Variants in MEI4 observed in about 807,000 individuals in gnomAD.
MEI4 encodes meiosis-specific protein MEI4.
Under a neutral mutation model 31.4 loss-of-function variants are expected in MEI4, and 27 were observed. The observed-to-expected ratio is 0.86, with a 90% CI of 0.63 to 1.19. MEI4 has a LOEUF of 1.19. Among genes scored for constraint, MEI4 ranks in the 50% most tolerant of loss-of-function variants. The pLI is 0.00. For synonymous variants in MEI4, 122 were observed against 145.4 expected (o/e 0.84, Z 1.16); for missense variants, 329 against 398.9 (o/e 0.82, Z 1.49).
At chr6:77,671,725 T>C (rs555733518) in intron 1 of MEI4, among the ~76,000 whole-genome samples, 1 of 152,216 alleles carries the variant, frequency 6.6e-6, no homozygotes, top group African/African-American at 2.4e-5. Context: ...TAGTTGACTG[T>C]TCCCATGTTA....
At chr6:77,746,152 A>T (rs891270038) in intron 2 of MEI4, among the ~76,000 whole-genome samples, 1 of 152,202 alleles carries the variant, frequency 6.6e-6, no homozygotes, top group African/African-American at 2.4e-5. Context: ...GAGACACAAA[A>T]AACCCTTCAA....
chr6:77,735,090 G>A (rs1767146366), intron 2 of MEI4, among the ~76,000 whole-genome samples: 1 of 151,796 alleles, frequency 6.6e-6, no homozygotes, highest in Non-Finnish European at 1.5e-5. Flanking sequence ...TTTCTACTTC[G>A]GTGAACTGAC....
rs139196204 is a variant in MEI4 at position 77,864,858 on chromosome 6, G to T, written c.900+35796G>T. On this transcript the variant is annotated intron_variant, in intron 4 of 4. Coordinates refer to ENST00000684080, the MANE Select transcript of MEI4 (RefSeq NM_001322247.2). ...AAAGCACTCCTCAGCAAATGTAAAAGAATAGAAATTATAACAAACTGTCTC... is the reference window on the plus strand; with the variant it reads ...AAAGCACTCCTCAGCAAATGTAAAATAATAGAAATTATAACAAACTGTCTC... Among the ~76,000 whole-genome samples the T allele has an allele frequency of 4.0e-3, 609 of 152,220 alleles. 2 individuals carry two copies. The highest frequency in any genetic ancestry group is 6.0e-3 in the Admixed American group (91 of 15,278).
At chr6:77,844,903 A>G (rs1770444959) in intron 4 of MEI4, among the ~76,000 whole-genome samples, 1 of 152,174 alleles carries the variant, frequency 6.6e-6, no homozygotes, top group African/African-American at 2.4e-5. Context: ...GACAATCTCT[A>G]TAAATTTTAA....
intron 4 of MEI4, among the ~76,000 whole-genome samples, chr6:77,870,246 A>G (rs1417341830): frequency 1.3e-5 from 2 of 152,216 alleles, no homozygotes; most frequent in Non-Finnish European, 2.9e-5. Flanking sequence ...GAGCATGGAC[A>G]GTGAACCACA....
intron 3 of MEI4, among the ~76,000 whole-genome samples, chr6:77,783,339 C>G (rs978628382): frequency 2.0e-5 from 3 of 152,148 alleles, no homozygotes; most frequent in Non-Finnish European, 4.4e-5. Context: ...AATATACCTT[C>G]CTTCATGATA....
chr6:77,892,249 G>A (rs530247292), intron 4 of MEI4, among the ~76,000 whole-genome samples: 1 of 151,214 alleles, frequency 6.6e-6, no homozygotes, highest in Admixed American at 6.6e-5. Flanking sequence ...AGCAGCAGTG[G>A]TGGTAAAGGC....
chr6:77,807,038 GA>G (rs1392006232), intron 3 of MEI4, among the ~76,000 whole-genome samples: 2 of 151,972 alleles, frequency 1.3e-5, no homozygotes, highest in Non-Finnish European at 2.9e-5. Context: ...GTTTTCCCTG[GA>G]AAATGGTCTG....
At chr6:77,664,386 A>C (rs1481550001) in intron 1 of MEI4, among the ~76,000 whole-genome samples, 2 of 152,162 alleles carry the variant, frequency 1.3e-5, no homozygotes, top group African/African-American at 2.4e-5. Flanking sequence ...AAGAGCCTAA[A>C]CGCTATCTGA....
chr6:77,803,050 A>G (rs1279901200), intron 3 of MEI4, among the ~76,000 whole-genome samples: 1 of 152,176 alleles, frequency 6.6e-6, no homozygotes. Context: ...TCTCCTGGAT[A>G]ATATCCTGCA....
At chr6:77,776,156 GTTTTTTTTTTGT>G (rs1259535965) in intron 3 of MEI4, among the ~76,000 whole-genome samples, 28 of 143,368 alleles carry the variant, frequency 2.0e-4, no homozygotes, top group African/African-American at 5.5e-4. Flanking sequence ...TCTGCTAATT[GTTTTTTTTTTGT>G]TTTTGTTTTT....
At chr6:77,685,312 C>CTTTT (rs56264627) in intron 1 of MEI4, among the ~76,000 whole-genome samples, 64 of 128,226 alleles carry the variant, frequency 5.0e-4, no homozygotes, top group African/African-American at 5.1e-4. Flanking sequence ...TGTCCCTTCA[C>CTTTT]TTTTTTTTTT....
At chr6:77,882,546 C>G (rs1283661864) in intron 4 of MEI4, among the ~76,000 whole-genome samples, 1 of 152,082 alleles carries the variant, frequency 6.6e-6, no homozygotes, top group Non-Finnish European at 1.5e-5. Context: ...AGGAATGTCC[C>G]TTCTTAGCAT....
chr6:77,859,228 T>C (rs1582223067), intron 4 of MEI4, among the ~76,000 whole-genome samples: 3 of 152,202 alleles, frequency 2.0e-5, no homozygotes, highest in African/African-American at 7.2e-5. Flanking sequence ...TAGTATTCCA[T>C]ACTGTATATG....
chr6:77,679,935 T>G (rs1768921224), intron 1 of MEI4, among the ~76,000 whole-genome samples: 2 of 150,650 alleles, frequency 1.3e-5, no homozygotes, highest in African/African-American at 4.9e-5. Context: ...GAGACGGGGT[T>G]TCACCATGTT....
At chr6:77,904,678 A>G (rs937727836) in intron 4 of MEI4, among the ~76,000 whole-genome samples, 1 of 152,150 alleles carries the variant, frequency 6.6e-6, no homozygotes, top group East Asian at 1.9e-4. Context: ...TCCATGATGT[A>G]TATGCACCAC....
chr6:77,912,560 G>A (rs1474477331), intron 4 of MEI4, among the ~76,000 whole-genome samples: 1 of 151,708 alleles, frequency 6.6e-6, no homozygotes, highest in African/African-American at 2.4e-5. Flanking sequence ...TTTTTGGGGG[G>A]TAATTTTTGT....
intron 2 of MEI4, among the ~76,000 whole-genome samples, chr6:77,756,337 T>C (rs1489846986): frequency 6.6e-6 from 1 of 152,162 alleles, no homozygotes; most frequent in African/African-American, 2.4e-5. Flanking sequence ...TAAGGACACA[T>C]ACTATAGTCA....
chr6:77,882,318 ATGAT>A (rs1771508827), intron 4 of MEI4, among the ~76,000 whole-genome samples: 1 of 152,240 alleles, frequency 6.6e-6, no homozygotes, highest in Non-Finnish European at 1.5e-5. Flanking sequence ...TTAAATAGCC[ATGAT>A]TGATTGAATC....
Sources: gnomAD v4.1 joint callset for allele counts (sites outside exome capture counted in the v4.1 genomes callset) on GRCh38, gnomAD v4.1.1 for gene constraint, MANE v1.5 for transcripts, NCBI Gene and HGNC (gene_info 2026-07-23, HGNC 2026-07-21) for gene names.